The following ELL2 variants were observed in gnomAD, a reference collection of about 807,000 sequenced individuals.
The protein encoded by ELL2 is RNA polymerase II elongation factor ELL2.
A neutral mutation model predicts 72.8 loss-of-function variants in ELL2; 21 were observed. The ratio of observed to expected loss-of-function variants is 0.29; its 90% CI spans 0.20 to 0.42. The LOEUF (loss-of-function observed/expected upper bound fraction) is 0.42, where lower values mean the gene tolerates loss of function less well. Among genes scored for constraint, ELL2 ranks in the 10% least tolerant of loss-of-function variants. The pLI, the probability that ELL2 is intolerant of heterozygous loss-of-function variation, is 1.00. For synonymous variants in ELL2, 266 were observed against 283.2 expected, an observed-to-expected ratio of 0.94 and a Z score of 0.61; for missense variants, 568 against 772.8, an observed-to-expected ratio of 0.73 and a Z score of 3.14.
rs555225698 is a variant in ELL2 at position 95,961,838 on chromosome 5, T to G, written c.-117A>C. The stretch of plus-strand genomic sequence containing the variant: ...TGCTAGGGCCATCCCGCTGCTGACG[T>G]ACTGTCATATACTGCGCGGAGCCAG... On this transcript the variant is annotated 5_prime_UTR_variant, in exon 1 of 12. Coordinates refer to ENST00000237853, the MANE Select transcript of ELL2 (RefSeq NM_012081.6). 7.9e-7 allele frequency: 1 copy of G among 1,271,714 alleles called. No individual in the cohort carries two copies. The highest frequency in any genetic ancestry group is 1.0e-6 in the Non-Finnish European group (1 of 965,616). The allele number at this position is 1,271,714 out of a possible 1,614,324, so 78.8% of individuals were successfully genotyped here. A position where few individuals can be genotyped will look rare whatever the true frequency, so the allele number is the denominator to read the frequency against.
At chr5:95,943,105 A>G in intron 1 of ELL2, 56 bp from the exon 2 acceptor site, 2 of 1,453,706 alleles carry the variant, frequency 1.4e-6, no homozygotes, top group Non-Finnish European at 1.9e-6. Context: ...GTGACATAGA[A>G]CTAAATGTTT....
At chr5:95,950,921 T>TATGTATGTATGTAC (rs1561515379) in intron 1 of ELL2, among the ~76,000 whole-genome samples, 8 of 104,376 alleles carry the variant, frequency 7.7e-5, no homozygotes, top group African/African-American at 2.5e-4. Flanking sequence ...TATATATATA[T>TATGTATGTATGTAC]ATATATATAT....
chr5:95,907,269 C>T (rs1180176398), intron 4 of ELL2, among the ~76,000 whole-genome samples: 4 of 136,046 alleles, frequency 2.9e-5, no homozygotes, highest in African/African-American at 6.0e-5. Context: ...CATGAGGCAT[C>T]CGTTAGTGAT....
Position 95,927,806 on chromosome 5 carries a change from T to TGTGTGTATATAGACATACACACACAC in ELL2, c.196-8262_196-8261insGTGTGTGTGTATGTCTATATACACAC, listed in dbSNP as rs1750444163. Among the ~76,000 whole-genome samples the TGTGTGTATATAGACATACACACACAC allele has an allele frequency of 3.9e-5, 4 of 101,350 alleles. 2 individuals are homozygous for TGTGTGTATATAGACATACACACACAC. Among genetic ancestry groups the TGTGTGTATATAGACATACACACACAC allele is most frequent in the Admixed American group, 1.8e-4 (2 of 10,836 alleles). 66.5% of individuals were successfully genotyped at this position (101,350 alleles called of 152,430 possible). The stretch of plus-strand genomic sequence containing the variant: ...GTGTATATAGACATACACACACACA[T>TGTGTGTATATAGACATACACACACAC]ATGTGTGTATATAGACATACACACA... On this transcript the variant is annotated intron_variant, in intron 2 of 11. Transcript: ENST00000237853.
intron 2 of ELL2, among the ~76,000 whole-genome samples, chr5:95,931,079 C>A (rs1015145555): frequency 2.6e-5 from 4 of 151,626 alleles, no homozygotes; most frequent in Admixed American, 6.6e-5. Context: ...GTGAAAACTT[C>A]TCTTTTACAA....
At chr5:95,902,932 C>A (rs528826562) in intron 5 of ELL2, among the ~76,000 whole-genome samples, 2 of 146,122 alleles carry the variant, frequency 1.4e-5, no homozygotes, top group African/African-American at 5.5e-5. Context: ...CAGGTGGACA[C>A]CACTATGCCC....
intron 4 of ELL2, among the ~76,000 whole-genome samples, chr5:95,911,452 C>T (rs116181340): frequency 0.016 from 2,415 of 152,274 alleles, 53 homozygotes; most frequent in African/African-American, 0.055. Context: ...ATACTCCTGC[C>T]TCAGCTTCCC....
At chr5:95,961,043 T>C (rs1192820020) in intron 1 of ELL2, among the ~76,000 whole-genome samples, 1 of 151,268 alleles carries the variant, frequency 6.6e-6, no homozygotes, top group Non-Finnish European at 1.5e-5. Context: ...GTGGAGCGCC[T>C]GTGTCCCCAA....
At chr5:95,918,386 A>C (rs1239455043) in intron 3 of ELL2, among the ~76,000 whole-genome samples, 4 of 152,258 alleles carry the variant, frequency 2.6e-5, no homozygotes, top group Admixed American at 1.3e-4. Flanking sequence ...CAAAACATTT[A>C]AGTTTGAAGG....
chr5:95,951,869 G>C (rs1368268645), intron 1 of ELL2, among the ~76,000 whole-genome samples: 2 of 152,186 alleles, frequency 1.3e-5, no homozygotes, highest in African/African-American at 4.8e-5. Context: ...GAAGGTGACA[G>C]TACTTGCTGA....
chr5:95,901,687 G>A (rs1176213819), intron 5 of ELL2, among the ~76,000 whole-genome samples: 1 of 152,154 alleles, frequency 6.6e-6, no homozygotes, highest in Non-Finnish European at 1.5e-5. Flanking sequence ...TACAACAGTC[G>A]ATTTGAAAAC....
intron 1 of ELL2, among the ~76,000 whole-genome samples, chr5:95,954,983 A>T (rs899610488): frequency 6.6e-6 from 1 of 152,186 alleles, no homozygotes; most frequent in African/African-American, 2.4e-5. Flanking sequence ...TAAGGTAATG[A>T]ATCTGCTCTG....
intron 1 of ELL2, among the ~76,000 whole-genome samples, chr5:95,947,037 A>T (rs1751184463): frequency 6.6e-6 from 1 of 152,226 alleles, no homozygotes. Context: ...CTAACTTGGA[A>T]CTATGTAACT....
intron 2 of ELL2, among the ~76,000 whole-genome samples, chr5:95,935,388 T>C (rs1416735964): frequency 6.6e-6 from 1 of 152,194 alleles, no homozygotes; most frequent in Non-Finnish European, 1.5e-5. Context: ...TCAAATTACC[T>C]AAATATTAGT....
chr5:95,948,679 A>G (rs975327416), intron 1 of ELL2, among the ~76,000 whole-genome samples: 6 of 152,234 alleles, frequency 3.9e-5, no homozygotes, highest in African/African-American at 1.4e-4. Flanking sequence ...CCCATTAGAA[A>G]TGAGTTTCAG....
chr5:95,922,219 C>A (rs925987395), intron 2 of ELL2, among the ~76,000 whole-genome samples: 2 of 152,170 alleles, frequency 1.3e-5, no homozygotes, highest in African/African-American at 2.4e-5. Flanking sequence ...CCCGCCACCA[C>A]GCCCGGCTAA....
chr5:95,896,422 A>T (rs1373845716), intron 8 of ELL2, among the ~76,000 whole-genome samples: 2 of 152,194 alleles, frequency 1.3e-5, no homozygotes, highest in African/African-American at 4.8e-5. Flanking sequence ...ATTTTTTATC[A>T]TTGAAAGTAG....
Position 95,898,606 on chromosome 5 carries a change from G to A in ELL2, c.1159C>T (p.His387Tyr), listed in dbSNP as rs1748978752. ...TTAGAATTTACAATCTGAGGAGGAT[G>A]TGAGATGGGCAGATAGGTTGAAGGC... The part of the protein sequence containing the change: ...PLPSTYLPIS[H>Y]PPQIVNSNSN... Residue 387 changes from histidine (H) to tyrosine (Y), a missense_variant, in exon 8 of 12, where the codon CAT (histidine) becomes TAT (tyrosine). Coordinates refer to ENST00000237853, the MANE Select transcript of ELL2 (RefSeq NM_012081.6). 2 of 1,613,692 alleles carry A rather than the reference G, an allele frequency of 1.2e-6. No individual in the cohort carries two copies. The highest frequency in any genetic ancestry group is 8.5e-7 in the Non-Finnish European group (1 of 1,179,820).
chr5:95,948,136 G>GT (rs973830124), intron 1 of ELL2, among the ~76,000 whole-genome samples: 3 of 152,084 alleles, frequency 2.0e-5, no homozygotes, highest in Admixed American at 2.0e-4. Context: ...GCTCTTGAAT[G>GT]TTTTTAAAAA....
Sources: allele counts gnomAD v4.1 joint callset (sites outside exome capture counted in the v4.1 genomes callset), GRCh38; gene constraint gnomAD v4.1.1; transcripts MANE v1.5; gene names NCBI Gene and HGNC (gene_info 2026-07-23, HGNC 2026-07-21).